Variants in ATF6 observed in about 807,000 individuals in gnomAD.
ATF6 encodes activating transcription factor 6.
Under a neutral mutation model 83.6 loss-of-function variants are expected in ATF6, and 53 were observed. The ratio of observed to expected loss-of-function variants is 0.63; its 90% CI spans 0.51 to 0.80. The LOEUF (loss-of-function observed/expected upper bound fraction) is 0.80, where lower values mean the gene tolerates loss of function less well. Among genes scored for constraint, ATF6 ranks in the 30% least tolerant of loss-of-function variants. The pLI is 0.00. For missense variants in ATF6, 744 were observed against 797.9 expected, an observed-to-expected ratio of 0.93 and a Z score of 0.81; for synonymous variants, 288 against 285.8, an observed-to-expected ratio of 1.01 and a Z score of -0.08.
At chr1:161,820,882 GTC>G (rs1553231935) in intron 8 of ATF6, among the ~76,000 whole-genome samples, 186 bp from the exon 9 acceptor site, 1 of 151,284 alleles carries the variant, frequency 6.6e-6, no homozygotes, top group Non-Finnish European at 1.5e-5. Flanking sequence ...GAACCTGGAA[GTC>G]TCTGCTCTAG....
At chr1:161,902,706 G>T (rs1423939940) in intron 14 of ATF6, among the ~76,000 whole-genome samples, 1 of 152,336 alleles carries the variant, frequency 6.6e-6, no homozygotes, top group Non-Finnish European at 1.5e-5. Context: ...AAAGGTTGTA[G>T]TAGATCCTGG....
At chr1:161,771,187 T>C (rs1684381395) in intron 1 of ATF6, among the ~76,000 whole-genome samples, 1 of 152,170 alleles carries the variant, frequency 6.6e-6, no homozygotes, top group Non-Finnish European at 1.5e-5. Flanking sequence ...AGCTGCTTTA[T>C]TCTGCTTTCT....
chr1:161,822,559 TA>T (rs1228344297), intron 9 of ATF6, among the ~76,000 whole-genome samples: 2 of 152,166 alleles, frequency 1.3e-5, no homozygotes, highest in African/African-American at 2.4e-5. Flanking sequence ...AAACATTTTT[TA>T]TGAAGATTTT....
In ATF6 at chr1:161,792,208, C is replaced by T. The variant is rs1280744637; in HGVS notation, c.569C>T (p.Pro190Leu). ...AAGCCTTTATTGCTTCCAGCAGCAC[C>T]CAAGACTCAAACAAACTCCAGTGTT... ...QPKPLLLPAA[P>L]KTQTNSSVPA... The change falls in exon 6 of 16, where the codon CCC becomes CTC. Residue 190 changes from proline to leucine, a missense_variant. Transcript: ENST00000367942. 2 of 1,614,082 alleles carry T rather than the reference C, an allele frequency of 1.2e-6. No homozygotes were observed. Among genetic ancestry groups the T allele is most frequent in the Admixed American group, 3.3e-5 (2 of 60,004 alleles).
At chr1:161,768,369 C>G (rs2101709223) in intron 1 of ATF6, among the ~76,000 whole-genome samples, 1 of 152,286 alleles carries the variant, frequency 6.6e-6, no homozygotes, top group Non-Finnish European at 1.5e-5. Flanking sequence ...CCATTGTTTT[C>G]CAGGTTTCCC....
At position 161,884,527 on chromosome 1, in the gene ATF6, T is replaced by A. The variant is rs550661616; in HGVS notation, c.1719+21215T>A. Among the ~76,000 whole-genome samples, 115 of 151,952 alleles carry A rather than the reference T, an allele frequency of 7.6e-4. 1 individual carries two copies. The highest frequency in any genetic ancestry group is 2.3e-3 in the South Asian group (11 of 4,814). ...TACCTTACTTTTATAGTTTTTTTTT[T>A]AAAAAAGCTCTTCTAACTGTAATTA... On this transcript the variant is annotated intron_variant, in intron 14 of 15. Coordinates refer to ENST00000367942, the MANE Select transcript of ATF6 (RefSeq NM_007348.4).
chr1:161,883,380 C>G (rs1257117337), intron 14 of ATF6, among the ~76,000 whole-genome samples: 2 of 151,972 alleles, frequency 1.3e-5, no homozygotes, highest in Admixed American at 1.3e-4. Flanking sequence ...GATTCTAATT[C>G]AGTGCTCATT....
At chr1:161,925,082 A>T (rs1050732164) in intron 15 of ATF6, among the ~76,000 whole-genome samples, 3 of 152,160 alleles carry the variant, frequency 2.0e-5, no homozygotes, top group African/African-American at 7.2e-5. Context: ...ACAAACCTTC[A>T]GCTGTGTGTA....
intron 12 of ATF6, among the ~76,000 whole-genome samples, chr1:161,857,299 A>G (rs983434196): frequency 1.8e-4 from 27 of 152,084 alleles, no homozygotes; most frequent in African/African-American, 6.5e-4. Flanking sequence ...TATCTGTTGT[A>G]TTTAAGCATT....
intron 1 of ATF6, among the ~76,000 whole-genome samples, chr1:161,767,655 G>T (rs1684296158): frequency 6.6e-6 from 1 of 152,170 alleles, no homozygotes; most frequent in Non-Finnish European, 1.5e-5. Flanking sequence ...CTAGTTAGTG[G>T]CAGAAGAAGG....
chr1:161,809,730 A>G (rs565312671), intron 7 of ATF6, among the ~76,000 whole-genome samples: 1 of 152,330 alleles, frequency 6.6e-6, no homozygotes, highest in African/African-American at 2.4e-5. Flanking sequence ...AATGATTGCC[A>G]TTCTAACTGG....
chr1:161,894,480 A>G (rs1687627352), intron 14 of ATF6, among the ~76,000 whole-genome samples: 2 of 145,058 alleles, frequency 1.4e-5, no homozygotes, highest in African/African-American at 5.1e-5. Flanking sequence ...ATCGTTTATA[A>G]ATTTTTCTTT....
chr1:161,802,236 T>C lies in ATF6; in HGVS notation c.873T>C (p.Pro291=). ...ATGGAAAACTTTCCGTGACTAAACC[T>C]GTCCTACAAAGTACCATGAGAAATG... ...PVNGKLSVTK[P]VLQSTMRNVG... The change falls in exon 7 of 16, where the codon CCT becomes CCC. Residue 291 remains proline (P), a synonymous_variant. Coordinates refer to ENST00000367942, the MANE Select transcript of ATF6 (RefSeq NM_007348.4). 6.2e-7 allele frequency: 1 copy of C among 1,614,046 alleles called. No homozygotes were observed. Among genetic ancestry groups the C allele is most frequent in the Non-Finnish European group, 8.5e-7 (1 of 1,179,970 alleles).
At chr1:161,904,479 T>G (rs191612807) in intron 14 of ATF6, among the ~76,000 whole-genome samples, 16 of 152,096 alleles carry the variant, frequency 1.1e-4, no homozygotes, top group Admixed American at 6.5e-5. Flanking sequence ...TCCTAGCTAC[T>G]CAGGAGGCTG....
chr1:161,817,095 T>C (rs1483252371), intron 7 of ATF6, among the ~76,000 whole-genome samples: 1 of 152,246 alleles, frequency 6.6e-6, no homozygotes, highest in Non-Finnish European at 1.5e-5. Flanking sequence ...CAGATGGTTT[T>C]CATTTTTTTA....
At chr1:161,901,476 T>A (rs1687785566) in intron 14 of ATF6, among the ~76,000 whole-genome samples, 1 of 145,868 alleles carries the variant, frequency 6.9e-6, no homozygotes. Context: ...TAATGGAAAA[T>A]AATTATATCT....
At chr1:161,945,383 TTATATATCTGCACTTGG>T (rs1320157627) in intron 15 of ATF6, among the ~76,000 whole-genome samples, 1 of 152,250 alleles carries the variant, frequency 6.6e-6, no homozygotes, top group East Asian at 1.9e-4. Flanking sequence ...TTGAGCACTT[TTATATATCTGCACTTGG>T]GTTAAAGGCA....
chr1:161,797,635 A>G (rs749137108), intron 6 of ATF6, among the ~76,000 whole-genome samples: 7 of 152,172 alleles, frequency 4.6e-5, no homozygotes, highest in Non-Finnish European at 8.8e-5. Flanking sequence ...GATCTCTACA[A>G]TGAGTTACAA....
intron 7 of ATF6, among the ~76,000 whole-genome samples, chr1:161,813,100 A>C (rs1288694375): frequency 6.6e-6 from 1 of 151,574 alleles, no homozygotes; most frequent in Non-Finnish European, 1.5e-5. Flanking sequence ...AAGAAAAAAG[A>C]AAAAAAAAGA....
Sources: allele counts gnomAD v4.1 joint callset (sites outside exome capture counted in the v4.1 genomes callset), GRCh38; gene constraint gnomAD v4.1.1; transcripts MANE v1.5; gene names NCBI Gene and HGNC (gene_info 2026-07-23, HGNC 2026-07-21).